EPYC: variants seen among roughly 807,000 people sequenced by gnomAD.
EPYC encodes dermatan sulfate proteoglycan 3.
Under a neutral mutation model 30.1 loss-of-function variants are expected in EPYC, and 28 were observed. That is an observed-to-expected ratio of 0.93 (90% CI 0.69 to 1.28). EPYC has a LOEUF of 1.28. Ranked by LOEUF, EPYC falls within the 50% of genes most tolerant of loss-of-function variation. The probability of loss-of-function intolerance (pLI) is 0.00; values close to 1 mark genes in which losing one functional copy is unlikely to be tolerated. For missense variants in EPYC, 382 were observed against 383.5 expected (o/e 1.00, Z 0.03); for synonymous variants, 144 against 141.4 (o/e 1.02, Z -0.13).
intron 6 of EPYC, among the ~76,000 whole-genome samples, chr12:90,967,846 C>G (rs546632238): frequency 2.6e-5 from 4 of 152,026 alleles, no homozygotes; most frequent in African/African-American, 7.2e-5. Context: ...TGGTTCACAC[C>G]TAAAGTTCTA....
At chr12:90,984,511 C>T (rs1044198701) in intron 2 of EPYC, among the ~76,000 whole-genome samples, 1 of 152,096 alleles carries the variant, frequency 6.6e-6, no homozygotes, top group Non-Finnish European at 1.5e-5. Flanking sequence ...AATATTCTCT[C>T]TGTGATGGGG....
chr12:90,986,087 A>T (rs913987797), intron 2 of EPYC, among the ~76,000 whole-genome samples: 4 of 152,082 alleles, frequency 2.6e-5, no homozygotes, highest in African/African-American at 9.7e-5. Flanking sequence ...AGGGAGGGAC[A>T]TATTAGCCAA....
At chr12:90,982,824 C>A (rs1343443296) in intron 2 of EPYC, among the ~76,000 whole-genome samples, 1 of 152,068 alleles carries the variant, frequency 6.6e-6, no homozygotes, top group African/African-American at 2.4e-5. Context: ...GGAGTTCATT[C>A]TTTTTTGTGT....
intron 6 of EPYC, among the ~76,000 whole-genome samples, chr12:90,967,014 G>A (rs10859083): frequency 0.66 from 99,473 of 151,250 alleles, 35,594 homozygotes; most frequent in East Asian, 0.8. Flanking sequence ...TTTTTCCTAG[G>A]TCACATCAGC....
At chr12:90,966,309 C>G in intron 6 of EPYC, among the ~76,000 whole-genome samples, 1 of 151,822 alleles carries the variant, frequency 6.6e-6, no homozygotes, top group Non-Finnish European at 1.5e-5. Flanking sequence ...GAAGAAGTTC[C>G]TTCTATTCCT....
chr12:90,999,997 A>T lies in EPYC; in HGVS notation c.165+2404T>A, dbSNP rs186321987. Among the ~76,000 whole-genome samples, 907 of 152,170 alleles carry T rather than the reference A, an allele frequency of 6.0e-3. 6 individuals are homozygous for T. The highest frequency in any genetic ancestry group is 0.019 in the African/African-American group (789 of 41,560). ...ACTAGGTCTACCCTATAAATATTTTAAAAAACTACAGGTTTTATTTTAAGT... is the reference window on the plus strand; with the variant it reads ...ACTAGGTCTACCCTATAAATATTTTTAAAAACTACAGGTTTTATTTTAAGT... On this transcript the variant is annotated intron_variant, in intron 2 of 6. Transcript: ENST00000261172.
intron 5 of EPYC, among the ~76,000 whole-genome samples, chr12:90,970,820 A>G (rs1877024019): frequency 6.6e-6 from 1 of 152,206 alleles, no homozygotes; most frequent in South Asian, 2.1e-4. Flanking sequence ...ATGAGGCCAC[A>G]CTATCCCCTG....
chr12:90,964,184 G>T lies in EPYC; in HGVS notation c.941C>A (p.Pro314His), dbSNP rs1236746777. The T allele has an allele frequency of 6.2e-7, 1 of 1,612,668 alleles. No individual in the cohort carries two copies. The highest frequency in any genetic ancestry group is 2.2e-5 in the East Asian group (1 of 44,830). Residue 314 changes from proline (P) to histidine (H), a missense_variant, in exon 7 of 7, where the codon CCT becomes CAT. Coordinates refer to ENST00000261172, the MANE Select transcript of EPYC (RefSeq NM_004950.5). ...GACAAGGCTCCCAACAGGCAGACGA[G>T]GTAGACACATGTATGCTTGAGGAGT... ...SKTPQAYMCL[P>H]RLPVGSLV
intron 2 of EPYC, among the ~76,000 whole-genome samples, chr12:90,999,154 T>A (rs1461443974): frequency 2.0e-5 from 3 of 152,052 alleles, no homozygotes; most frequent in Non-Finnish European, 4.4e-5. Flanking sequence ...TGCCATATAG[T>A]ATAGCCCAAT....
chr12:90,974,874 C>A lies in EPYC; in HGVS notation c.341-1894G>T, dbSNP rs115081798. Among the ~76,000 whole-genome samples the A allele has an allele frequency of 4.4e-3, 667 of 152,052 alleles. 5 individuals carry two copies. The highest frequency in any genetic ancestry group is 0.016 in the African/African-American group (649 of 41,478). ...GAAAGTGAAATCTCTATGACATAAA[C>A]TAGAAGAGAAAAGTGGTGGAAGAAA... On this transcript the variant is annotated intron_variant, in intron 3 of 6. Coordinates refer to ENST00000261172, the MANE Select transcript of EPYC (RefSeq NM_004950.5).
intron 2 of EPYC, among the ~76,000 whole-genome samples, chr12:90,999,362 A>T (rs1330215729): frequency 6.6e-6 from 1 of 152,140 alleles, no homozygotes; most frequent in East Asian, 1.9e-4. Flanking sequence ...ACTTATAAGA[A>T]ACTGGTACAT....
intron 6 of EPYC, among the ~76,000 whole-genome samples, chr12:90,968,844 A>T (rs1270414073): frequency 6.6e-6 from 1 of 152,016 alleles, no homozygotes; most frequent in Non-Finnish European, 1.5e-5. Context: ...ATAAACAAGG[A>T]AAGACATCTT....
intron 2 of EPYC, among the ~76,000 whole-genome samples, chr12:90,981,108 A>G (rs1329264699): frequency 6.6e-6 from 1 of 152,146 alleles, no homozygotes; most frequent in African/African-American, 2.4e-5. Context: ...TCCATGAAAC[A>G]GTATATCTAT....
At chr12:90,996,117 G>A (rs1184027782) in intron 2 of EPYC, among the ~76,000 whole-genome samples, 3 of 151,750 alleles carry the variant, frequency 2.0e-5, no homozygotes, top group Admixed American at 1.3e-4. Flanking sequence ...CACCAGAATA[G>A]TATAAATATT....
At chr12:91,002,211 A>AG (rs1555216340) in intron 2 of EPYC, among the ~76,000 whole-genome samples, 190 bp downstream of exon 2, 87 of 140,330 alleles carry the variant, frequency 6.2e-4, no homozygotes, top group South Asian at 1.9e-3. Context: ...AAAAAAAAAA[A>AG]GGGCAAAAGA....
Position 90,972,980 on chromosome 12 carries a change from T to A in EPYC, c.341A>T (p.Asp114Val), listed in dbSNP as rs1414679441. 6.4e-7 allele frequency: 1 copy of A among 1,565,406 alleles called. No individual in the cohort carries two copies. Among genetic ancestry groups the A allele is most frequent in the East Asian group, 2.3e-5 (1 of 43,680 alleles). ...TGVLGPHTNE[D>V]FPTCLLCTCI... ...AGTACACAAAAGACAGGTTGGAAAG[T>A]CTAAAAGATAAAGGAAAATAAAATT... Residue 114 changes from aspartate to valine, a missense_variant and splice_region_variant, in exon 4 of 7, where the codon GAC (aspartate) becomes GTC (valine). By Grantham distance (152) the Asp-to-Val change is radical (BLOSUM62 -3). Transcript: ENST00000261172.
intron 4 of EPYC, 124 bp from the exon 5 acceptor site, chr12:90,972,126 C>G (rs1296684627): frequency 1.7e-6 from 1 of 571,638 alleles, no homozygotes; most frequent in Non-Finnish European, 3.0e-6. Flanking sequence ...AGATGATTAT[C>G]TTTCTTTTTA....
Position 90,974,996 on chromosome 12 carries a change from C to A in EPYC, c.341-2016G>T, listed in dbSNP as rs573116356. Among the ~76,000 whole-genome samples the A allele has an allele frequency of 2.0e-5, 3 of 151,918 alleles. No individual in the cohort carries two copies. In the South Asian group the frequency reaches 6.3e-4, roughly 32 times the overall value. ...CACTTGTGTTGGGAACTCATCACAC[C>A]CAGACAAACCAGGATATTTGATCAA... On this transcript the variant is annotated intron_variant, in intron 3 of 6. Transcript: ENST00000261172.
Position 90,981,126 on chromosome 12 carries a change from A to T in EPYC, c.166-2864T>A, listed in dbSNP as rs535258707. Among the ~76,000 whole-genome samples, 6 of 152,252 alleles carry T rather than the reference A, an allele frequency of 3.9e-5. No individual in the cohort carries two copies. The South Asian group carries it at 1.2e-3, about 32-fold the overall frequency. ...ATGAAACAGTATATCTATTCCAGAG[A>T]TGACAAATGGATAGCTCACAGTGGC... On this transcript the variant is annotated intron_variant, in intron 2 of 6. Coordinates refer to ENST00000261172, the MANE Select transcript of EPYC (RefSeq NM_004950.5).
Sources: allele counts gnomAD v4.1 joint callset (sites outside exome capture counted in the v4.1 genomes callset), GRCh38; gene constraint gnomAD v4.1.1; transcripts MANE v1.5; gene names NCBI Gene and HGNC (gene_info 2026-07-23, HGNC 2026-07-21).